Variants in SCAMP1 observed in about 807,000 individuals in gnomAD.
SCAMP1 encodes secretory carrier-associated membrane protein 1.
SCAMP1 carries 15 observed loss-of-function variants against 41.8 expected under a neutral mutation model. The observed-to-expected ratio is 0.36, with a 90% CI of 0.24 to 0.55. The LOEUF (loss-of-function observed/expected upper bound fraction) is 0.55. SCAMP1 is among the 20% of genes least tolerant of loss of function. The probability of loss-of-function intolerance (pLI) is 0.86; values close to 1 mark genes in which losing one functional copy is unlikely to be tolerated. For missense variants in SCAMP1, 341 were observed against 412.6 expected (o/e 0.83, Z 1.50); for synonymous variants, 135 against 136.8 (o/e 0.99, Z 0.09).
intron 6 of SCAMP1, among the ~76,000 whole-genome samples, chr5:78,432,893 C>T (rs966534242): frequency 2.6e-5 from 4 of 152,042 alleles, no homozygotes; most frequent in Admixed American, 6.6e-5. Context: ...GATATTGCCC[C>T]ATGTCTCTTA....
chr5:78,410,172 G>T (rs141893098), intron 2 of SCAMP1, among the ~76,000 whole-genome samples: 1 of 150,904 alleles, frequency 6.6e-6, no homozygotes, highest in Non-Finnish European at 1.5e-5. Context: ...AGGATGTGTA[G>T]GTTTGTTACA....
At chr5:78,410,129 T>TTTC (rs1477969971) in intron 2 of SCAMP1, among the ~76,000 whole-genome samples, 1 of 152,006 alleles carries the variant, frequency 6.6e-6, no homozygotes, top group Non-Finnish European at 1.5e-5. Flanking sequence ...TTTTTTTTTT[T>TTTC]TTCCAACTTT....
intron 8 of SCAMP1, among the ~76,000 whole-genome samples, chr5:78,460,777 C>CCT (rs1753571037): frequency 2.4e-5 from 1 of 41,154 alleles, no homozygotes; most frequent in Admixed American, 1.5e-4. Flanking sequence ...TCCTTCCTTC[C>CCT]TTCCTTCCTT....
intron 1 of SCAMP1, among the ~76,000 whole-genome samples, chr5:78,371,163 A>G (rs1454838822): frequency 6.6e-6 from 1 of 151,936 alleles, no homozygotes; most frequent in Non-Finnish European, 1.5e-5. Context: ...AAAAGCTTTT[A>G]ATTGTGTTAA....
chr5:78,365,054 G>A (rs1376543449), intron 1 of SCAMP1, among the ~76,000 whole-genome samples: 1 of 152,106 alleles, frequency 6.6e-6, no homozygotes, highest in Non-Finnish European at 1.5e-5. Context: ...GTAAAATAGG[G>A]TAATAGTACA....
chr5:78,417,551 A>G (rs979830495), intron 4 of SCAMP1, among the ~76,000 whole-genome samples: 2 of 152,226 alleles, frequency 1.3e-5, no homozygotes, highest in African/African-American at 2.4e-5. Flanking sequence ...GAAATTAACA[A>G]TTAGACTGCA....
intron 7 of SCAMP1, among the ~76,000 whole-genome samples, chr5:78,457,207 G>C (rs1580711500): frequency 1.3e-5 from 2 of 152,268 alleles, no homozygotes; most frequent in South Asian, 2.1e-4. Context: ...TCTCCATCCA[G>C]CTTTGTTCCG....
At chr5:78,433,588 G>A (rs1752674389) in intron 6 of SCAMP1, among the ~76,000 whole-genome samples, 1 of 152,108 alleles carries the variant, frequency 6.6e-6, no homozygotes, top group Non-Finnish European at 1.5e-5. Flanking sequence ...AATTACTTTG[G>A]TGTTACCTTA....
intron 5 of SCAMP1, among the ~76,000 whole-genome samples, chr5:78,420,748 T>C (rs1017387644): frequency 1.3e-5 from 2 of 152,204 alleles, no homozygotes; most frequent in Admixed American, 1.3e-4. Flanking sequence ...TGTTTACTTA[T>C]CTGGTGGGTT....
chr5:78,456,499 G>C (rs1035464276), intron 7 of SCAMP1, among the ~76,000 whole-genome samples: 1 of 151,688 alleles, frequency 6.6e-6, no homozygotes, highest in Non-Finnish European at 1.5e-5. Context: ...CTTTAAGAAT[G>C]TTGAATATTG....
intron 7 of SCAMP1, among the ~76,000 whole-genome samples, chr5:78,451,686 C>T (rs1209841459): frequency 6.6e-6 from 1 of 152,150 alleles, no homozygotes; most frequent in African/African-American, 2.4e-5. Context: ...GAGACAGAGT[C>T]TCGCCCTATC....
At chr5:78,461,243 C>A (rs1753604757) in intron 8 of SCAMP1, among the ~76,000 whole-genome samples, 1 of 152,154 alleles carries the variant, frequency 6.6e-6, no homozygotes, top group Admixed American at 6.5e-5. Flanking sequence ...GTAGTAAATT[C>A]TTTGTCTAGG....
At chr5:78,474,210 A>C (rs1355617307) in intron 8 of SCAMP1, among the ~76,000 whole-genome samples, 1 of 152,086 alleles carries the variant, frequency 6.6e-6, no homozygotes, top group Non-Finnish European at 1.5e-5. Flanking sequence ...CTTCATGGCA[A>C]AATCACCCCC....
chr5:78,410,336 C>T (rs1270839087), intron 2 of SCAMP1, among the ~76,000 whole-genome samples: 1 of 151,600 alleles, frequency 6.6e-6, no homozygotes. Flanking sequence ...GTGTGTTTTT[C>T]CCCACCATGT....
chr5:78,432,510 G>C (rs1476141708), intron 6 of SCAMP1, among the ~76,000 whole-genome samples: 1 of 151,872 alleles, frequency 6.6e-6, no homozygotes, highest in African/African-American at 2.4e-5. Flanking sequence ...ACTTTCTTTC[G>C]TACTTTAAAC....
chr5:78,458,449 G>A (rs2112228881), intron 7 of SCAMP1, among the ~76,000 whole-genome samples: 1 of 152,118 alleles, frequency 6.6e-6, no homozygotes. Flanking sequence ...GTCTCTGCAT[G>A]TCTTTTATCC....
intron 8 of SCAMP1, among the ~76,000 whole-genome samples, chr5:78,465,247 G>A (rs553783773): frequency 3.9e-5 from 6 of 152,178 alleles, no homozygotes; most frequent in South Asian, 2.1e-4. Context: ...AGCACCCCCC[G>A]CGTGAACAAG....
intron 6 of SCAMP1, among the ~76,000 whole-genome samples, chr5:78,434,335 G>C (rs544717003): frequency 1.2e-3 from 186 of 152,316 alleles, no homozygotes; most frequent in Non-Finnish European, 2.1e-3. Flanking sequence ...TTTTGGGGTT[G>C]TTTGCCCTTT....
chr5:78,462,062 ATTCT>A (rs913495340), intron 8 of SCAMP1, among the ~76,000 whole-genome samples: 2 of 152,114 alleles, frequency 1.3e-5, no homozygotes, highest in Non-Finnish European at 2.9e-5. Context: ...AACAATATTG[ATTCT>A]TCTAATCCAT....
Sources: allele counts gnomAD v4.1 joint callset (sites outside exome capture counted in the v4.1 genomes callset), GRCh38; gene constraint gnomAD v4.1.1; transcripts MANE v1.5; gene names NCBI Gene and HGNC (gene_info 2026-07-23, HGNC 2026-07-21).